Variants in BMS1 observed in about 807,000 individuals in gnomAD.
The protein encoded by BMS1 is BMS1 ribosome biogenesis factor, also known as ribosome biogenesis protein BMS1 homolog.
Under a neutral mutation model 138.7 loss-of-function variants are expected in BMS1, and 53 were observed. That is an observed-to-expected ratio of 0.38 (90% CI 0.31 to 0.48). BMS1 has a LOEUF of 0.48. Among genes scored for constraint, BMS1 ranks in the 20% least tolerant of loss-of-function variants. The pLI, the probability that BMS1 is intolerant of heterozygous loss-of-function variation, is 0.97. For missense variants in BMS1, 1,360 were observed against 1,565.5 expected, an observed-to-expected ratio of 0.87 and a Z score of 2.22; for synonymous variants, 504 against 539.9, an observed-to-expected ratio of 0.93 and a Z score of 0.92.
intron 3 of BMS1, among the ~76,000 whole-genome samples, 197 bp from the exon 4 acceptor site, chr10:42,786,971 T>G (rs192388236): frequency 6.6e-6 from 1 of 152,310 alleles, no homozygotes; most frequent in East Asian, 1.9e-4. Flanking sequence ...TTATTTAAAT[T>G]TAGAACACAG....
intron 3 of BMS1, among the ~76,000 whole-genome samples, chr10:42,785,979 C>T (rs183047493): frequency 1.3e-5 from 2 of 152,338 alleles, no homozygotes; most frequent in East Asian, 3.9e-4. Context: ...CCACAGTCCT[C>T]TTCCTCCGTG....
chr10:42,818,176 G>A (rs975562231), intron 15 of BMS1, among the ~76,000 whole-genome samples: 6 of 152,170 alleles, frequency 3.9e-5, no homozygotes, highest in African/African-American at 9.7e-5. Context: ...TTTGTGAAAC[G>A]GAGTTTCATC....
At position 42,812,931 on chromosome 10, in the gene BMS1, G is replaced by A. The variant is rs141206111; in HGVS notation, c.2330-3668G>A. On this transcript the variant is annotated intron_variant, in intron 13 of 22. Coordinates refer to ENST00000374518, the MANE Select transcript of BMS1 (RefSeq NM_014753.4). ...CCTTTGCTGCTGGGTGGCGGGGTAGGGGGTGTCTGGTAGAAACAGGAAAAC... is the reference window on the plus strand; with the variant it reads ...CCTTTGCTGCTGGGTGGCGGGGTAGAGGGTGTCTGGTAGAAACAGGAAAAC... Among the ~76,000 whole-genome samples, 1,398 of 152,314 alleles carry A rather than the reference G, an allele frequency of 9.2e-3. 25 individuals are homozygous for A. Among genetic ancestry groups the A allele is most frequent in the African/African-American group, 0.032 (1,337 of 41,550 alleles).
At position 42,793,118 on chromosome 10, in the gene BMS1, G is replaced by T; in HGVS notation, c.1063G>T (p.Asp355Tyr). Residue 355 changes from aspartate to tyrosine, a missense_variant, in exon 8 of 23, where the codon GAC (aspartate) becomes TAC (tyrosine). By Grantham distance (160) the Asp-to-Tyr change is radical. Transcript: ENST00000374518. ...VLYDKDAVYVDLGGSHVFQDE... is the reference protein window; with the variant it reads ...VLYDKDAVYVYLGGSHVFQDE... ...GTATGACAAAGACGCTGTCTATGTTGACCTTGGTGGCAGCCACGTTTTTCA... is the reference window on the plus strand; with the variant it reads ...GTATGACAAAGACGCTGTCTATGTTTACCTTGGTGGCAGCCACGTTTTTCA... 1 of 1,609,430 alleles carries T rather than the reference G, an allele frequency of 6.2e-7. No individual in the cohort carries two copies. Among genetic ancestry groups the T allele is most frequent in the Middle Eastern group, 1.7e-4 (1 of 6,024 alleles).
rs751387779 is a variant in BMS1 at position 42,796,759 on chromosome 10, C to T, written c.1515C>T (p.Asp505=). The stretch of plus-strand genomic sequence containing the variant: ...ATTTGCCAGCATTTGCTGACAGTGA[C>T]GATGACCTTGAGAGGAGCTCAGCGG... ...EMDLPAFADS[D]DDLERSSAEE... is the part of the protein sequence containing the mutation. The change falls in exon 10 of 23, where the codon GAC becomes GAT. Residue 505 remains aspartate, a synonymous_variant. Coordinates refer to ENST00000374518, the MANE Select transcript of BMS1 (RefSeq NM_014753.4). The T allele has an allele frequency of 2.4e-5, 38 of 1,614,112 alleles. 1 individual carries two copies. The highest frequency in any genetic ancestry group is 2.1e-4 in the South Asian group (19 of 91,076).
At position 42,832,424 on chromosome 10, in the gene BMS1, CA is replaced by C. The variant is rs55818372; in HGVS notation, c.*1340del. ...TGGGCGACAGGGCAAGACCCTGTTT[CA>C]AAAAAAAAAAATTATACATATATGT... is the stretch of plus-strand genomic sequence containing the variant. On this transcript the variant is annotated 3_prime_UTR_variant, in exon 23 of 23. Transcript: ENST00000374518. 142,912 of 148,676 alleles carry C rather than the reference CA, an allele frequency of 0.96. 68,707 individuals are homozygous for C. The highest frequency in any genetic ancestry group is 1 in the East Asian group (5,067 of 5,074). The allele number at this position is 148,676 out of a possible 1,614,324, so 9.2% of individuals were successfully genotyped here.
intron 13 of BMS1, among the ~76,000 whole-genome samples, chr10:42,806,111 C>G (rs1355827703): frequency 1.3e-5 from 2 of 152,044 alleles, no homozygotes; most frequent in Non-Finnish European, 1.5e-5. Flanking sequence ...TTCTTACTAT[C>G]CCAAGGATTC....
chr10:42,790,208 CTT>C lies in BMS1; in HGVS notation c.448-113_448-112del. ...TTAATGTGGCTATGTTCCAATAAAA[CTT>C]TAGTTACAAACACAGGTGATGGGCT... On this transcript the variant is annotated intron_variant, in intron 4 of 22. Coordinates refer to ENST00000374518, the MANE Select transcript of BMS1 (RefSeq NM_014753.4). 3.2e-6 allele frequency: 3 copies of C among 945,390 alleles called. No individual in the cohort carries two copies. In the Middle Eastern group the frequency reaches 1.0e-3, roughly 325 times the overall value. The allele number at this position is 945,390 out of a possible 1,614,324, so 58.6% of individuals were successfully genotyped here.
intron 3 of BMS1, among the ~76,000 whole-genome samples, chr10:42,786,273 C>A (rs2132292223): frequency 6.6e-6 from 1 of 152,318 alleles, no homozygotes; most frequent in South Asian, 2.1e-4. Context: ...TGAGAATTGT[C>A]TGCTTTGGGA....
At chr10:42,803,255 C>T (rs530034110) in intron 13 of BMS1, among the ~76,000 whole-genome samples, 14 of 152,322 alleles carry the variant, frequency 9.2e-5, no homozygotes, top group Admixed American at 5.2e-4. Context: ...ACTCCTGCCT[C>T]AGCCTCCTGA....
At chr10:42,829,539 TGTG>T (rs963120327) in intron 21 of BMS1, among the ~76,000 whole-genome samples, 5 of 152,224 alleles carry the variant, frequency 3.3e-5, no homozygotes, top group Admixed American at 2.0e-4. Flanking sequence ...GTGGGCCAGT[TGTG>T]GTGGCTCATG....
chr10:42,830,766 A>G, intron 22 of BMS1, 100 bp from the exon 23 acceptor site: 1 of 1,012,990 alleles, frequency 9.9e-7, no homozygotes, highest in East Asian at 2.6e-5. Context: ...TGCAGTTAAT[A>G]TTCATTTGGA....
At chr10:42,822,288 T>C (rs914740136) in intron 19 of BMS1, 104 bp downstream of exon 19, 8 of 651,060 alleles carry the variant, frequency 1.2e-5, no homozygotes, top group African/African-American at 9.2e-5. Context: ...TAAAAGTGTT[T>C]GAAATCTTTT....
rs755040749 is a variant in BMS1 at position 42,798,462 on chromosome 10, C to T, written c.2090-6C>T. On this transcript the variant is annotated splice_polypyrimidine_tract_variant and splice_region_variant and intron_variant, in intron 11 of 22. Transcript: ENST00000374518. Reference sequence around the variant, plus strand: ...TCTCACTTTTCTGCCATGGTGTGCTCTTTAGTGACAGAAGATAATGAAGAA... The same window carrying T: ...TCTCACTTTTCTGCCATGGTGTGCTTTTTAGTGACAGAAGATAATGAAGAA... 6.2e-7 allele frequency: 1 copy of T among 1,614,132 alleles called. No homozygotes were observed. Among genetic ancestry groups the T allele is most frequent in the South Asian group, 1.1e-5 (1 of 91,058 alleles).
chr10:42,788,840 A>G (rs190942463), intron 4 of BMS1, among the ~76,000 whole-genome samples: 28 of 152,374 alleles, frequency 1.8e-4, no homozygotes, highest in Non-Finnish European at 1.0e-4. Context: ...TTAGATACAT[A>G]TAAACACACA....
At chr10:42,801,402 C>T (rs894164552) in intron 12 of BMS1, among the ~76,000 whole-genome samples, 11 of 152,068 alleles carry the variant, frequency 7.2e-5, no homozygotes, top group African/African-American at 2.7e-4. Context: ...AGATTTTTTT[C>T]CCTTATATAC....
Position 42,823,651 on chromosome 10 carries a change from C to T in BMS1, c.3323C>T (p.Ala1108Val), listed in dbSNP as rs1842563269. ...ACTTGGTATCCTGTTTCCATCCCAG[C>T]GTTCTATAACCCAGTAACATCTTTG... is the stretch of plus-strand genomic sequence containing the variant. ...MRTWYPVSIP[A>V]FYNPVTSLLK... The change falls in exon 21 of 23, where the codon GCG (alanine) becomes GTG (valine). Residue 1108 changes from alanine to valine, a missense_variant. By Grantham distance (64) the Ala-to-Val change is moderately conservative. Coordinates refer to ENST00000374518, the MANE Select transcript of BMS1 (RefSeq NM_014753.4). 6 of 1,592,008 alleles carry T rather than the reference C, an allele frequency of 3.8e-6. No individual in the cohort carries two copies. The African/African-American group carries it at 4.0e-5, about 11-fold the overall frequency.
intron 13 of BMS1, among the ~76,000 whole-genome samples, chr10:42,813,936 T>C (rs1014477148): frequency 2.6e-5 from 4 of 152,192 alleles, no homozygotes; most frequent in African/African-American, 9.7e-5. Flanking sequence ...GGTTTTTTTG[T>C]TTGTTTCTTT....
intron 4 of BMS1, among the ~76,000 whole-genome samples, chr10:42,789,979 A>G (rs1304332166): frequency 1.3e-5 from 2 of 152,138 alleles, no homozygotes; most frequent in Non-Finnish European, 2.9e-5. Flanking sequence ...ACATTGTCTT[A>G]TGGGTTGGCT....
Sources: allele counts gnomAD v4.1 joint callset (sites outside exome capture counted in the v4.1 genomes callset), GRCh38; gene constraint gnomAD v4.1.1; transcripts MANE v1.5; gene names NCBI Gene and HGNC (gene_info 2026-07-23, HGNC 2026-07-21).